The following CACNA2D4 variants were observed in gnomAD, a reference collection of about 807,000 sequenced individuals.
CACNA2D4 encodes calcium voltage-gated channel auxiliary subunit alpha2delta 4, also known as voltage-dependent calcium channel subunit alpha-2/delta-4.
Under a neutral mutation model 163.8 loss-of-function variants are expected in CACNA2D4, and 157 were observed. The observed-to-expected ratio is 0.96, with a 90% confidence interval of 0.84 to 1.09. The LOEUF is 1.09. CACNA2D4 is among the 50% of genes least tolerant of loss of function. The probability of loss-of-function intolerance (pLI) is 0.00; values close to 1 mark genes in which losing one functional copy is unlikely to be tolerated. For missense variants in CACNA2D4, 1,410 were observed against 1,479.9 expected (o/e 0.95, Z 0.78); for synonymous variants, 598 against 586.9 (o/e 1.02, Z -0.27).
At position 1,834,415 on chromosome 12, in the gene CACNA2D4, C is replaced by T. The variant is rs1864761610; in HGVS notation, c.2551+6324G>A. The T allele has an allele frequency of 1.9e-6, 3 of 1,612,880 alleles. No homozygotes were observed. Among genetic ancestry groups the T allele is most frequent in the Non-Finnish European group, 1.7e-6 (2 of 1,180,020 alleles). The stretch of plus-strand genomic sequence containing the variant: ...GGCTGGATATTCCTGGGCCACCCTG[C>T]ACCAAGGCCAGTCCAGAGCCTGCTA... On this transcript the variant is annotated intron_variant, in intron 26 of 37. Coordinates refer to ENST00000382722, the MANE Select transcript of CACNA2D4 (RefSeq NM_172364.5). This position sits in a 1 kb window ranked among gnomAD's most constrained non-coding sequence, Gnocchi z 7.6.
intron 18 of CACNA2D4, among the ~76,000 whole-genome samples, chr12:1,873,688 G>A (rs181381598): frequency 1.2e-3 from 180 of 152,304 alleles, no homozygotes; most frequent in African/African-American, 4.2e-3. Flanking sequence ...AGAAGCCTCT[G>A]TTCTTTTGGA....
intron 6 of CACNA2D4, among the ~76,000 whole-genome samples, chr12:1,906,312 C>G (rs552720762): frequency 2.0e-5 from 3 of 152,128 alleles, no homozygotes; most frequent in Admixed American, 2.0e-4. Context: ...GATAAAATAA[C>G]CAAATTGGAT....
chr12:1,888,331 A>G (rs1866200609), intron 6 of CACNA2D4, among the ~76,000 whole-genome samples: 1 of 152,158 alleles, frequency 6.6e-6, no homozygotes, highest in Non-Finnish European at 1.5e-5. Context: ...ACAGAAGCGA[A>G]TTTTCTTGTG....
Position 1,844,618 on chromosome 12 carries a change from G to T in CACNA2D4, c.2343-89C>A. On this transcript the variant is annotated intron_variant, in intron 24 of 37. Coordinates refer to ENST00000382722, the MANE Select transcript of CACNA2D4 (RefSeq NM_172364.5). The surrounding 1 kb of genome is among the most constrained non-coding windows in gnomAD (Gnocchi z 4.2). ...TTCTCACACAAGGTCAACTTGGCTG[G>T]GCTAAGAGAGTGATTTTAGCCCCTA... The T allele has an allele frequency of 7.1e-7, 1 of 1,411,518 alleles. No homozygotes were observed. Among genetic ancestry groups the T allele is most frequent in the South Asian group, 1.4e-5 (1 of 74,026 alleles). The allele number at this position is 1,411,518 out of a possible 1,614,324, so 87.4% of individuals were successfully genotyped here. A position where few individuals can be genotyped will look rare whatever the true frequency, so the allele number is the denominator to read the frequency against.
Position 1,869,159 on chromosome 12 carries a change from CT to C in CACNA2D4, c.1878+5444del, listed in dbSNP as rs1865717531. Among the ~76,000 whole-genome samples, 1 of 152,204 alleles carries C rather than the reference CT, an allele frequency of 6.6e-6. No individual in the cohort carries two copies. The highest frequency in any genetic ancestry group is 2.1e-4 in the South Asian group (1 of 4,826). ...GTTTGGTTCTTATAATGATTTTGTACTGTGTCAAATTAGCTAAGCTGGAACT... is the reference window on the plus strand; with the variant it reads ...GTTTGGTTCTTATAATGATTTTGTACGTGTCAAATTAGCTAAGCTGGAACT... On this transcript the variant is annotated intron_variant, in intron 18 of 37. Coordinates refer to ENST00000382722, the MANE Select transcript of CACNA2D4 (RefSeq NM_172364.5). The surrounding 1 kb of genome is among the most constrained non-coding windows in gnomAD (Gnocchi z 4.7).
intron 31 of CACNA2D4, 126 bp downstream of exon 31, chr12:1,800,917 G>T: frequency 1.3e-6 from 1 of 799,432 alleles, no homozygotes; most frequent in South Asian, 1.6e-5. Context: ...AGATGGAGAT[G>T]GTCAAGGTAG....
chr12:1,841,118 C>T (rs1311850153), intron 25 of CACNA2D4, among the ~76,000 whole-genome samples: 1 of 152,222 alleles, frequency 6.6e-6, no homozygotes, highest in Non-Finnish European at 1.5e-5. Context: ...GCATTTTGCC[C>T]ACAACACCTG....
At chr12:1,860,999 G>T (rs1865513777) in intron 18 of CACNA2D4, among the ~76,000 whole-genome samples, 1 of 152,198 alleles carries the variant, frequency 6.6e-6, no homozygotes, top group South Asian at 2.1e-4. Context: ...CTTGCACGAG[G>T]CTGCCGTGAG....
Position 1,828,830 on chromosome 12 carries a change from G to A in CACNA2D4, c.2551+11909C>T, listed in dbSNP as rs530123935. ...CCATTTACCAAAAAGGGGAGGAAGC[G>A]TGAATGAAGGCAACACTTGGCAGCT... On this transcript the variant is annotated intron_variant, in intron 26 of 37. Transcript: ENST00000382722. The surrounding 1 kb of genome is among the most constrained non-coding windows in gnomAD (Gnocchi z 4.2). Among the ~76,000 whole-genome samples, 98 of 152,350 alleles carry A rather than the reference G, an allele frequency of 6.4e-4. 1 individual carries two copies. Among genetic ancestry groups the A allele is most frequent in the Middle Eastern group, 3.4e-3 (1 of 294 alleles).
rs534525924 is a variant in CACNA2D4, at chr12:1,826,058, G to C, written c.2552-14335C>G. Among the ~76,000 whole-genome samples, 6 of 152,266 alleles carry C rather than the reference G, an allele frequency of 3.9e-5. No homozygotes were observed. In the East Asian group the frequency reaches 1.2e-3, roughly 29 times the overall value. The stretch of plus-strand genomic sequence containing the variant: ...AATACATAGACTCCACAGGCCCGGG[G>C]TGCTCAGGAATGAGAAACAACCTCA... On this transcript the variant is annotated intron_variant, in intron 26 of 37. Coordinates refer to ENST00000382722, the MANE Select transcript of CACNA2D4 (RefSeq NM_172364.5).
At chr12:1,831,049 C>T (rs541479878) in intron 26 of CACNA2D4, 21 of 1,614,108 alleles carry the variant, frequency 1.3e-5, no homozygotes, top group Admixed American at 8.3e-5. Flanking sequence ...GGCCTCACCA[C>T]GGTGCCCCCA....
intron 23 of CACNA2D4, among the ~76,000 whole-genome samples, chr12:1,848,322 C>T (rs113697724): frequency 4.6e-5 from 7 of 152,274 alleles, no homozygotes; most frequent in East Asian, 1.9e-4. Context: ...GGGGATTCTC[C>T]GGTTCTGGCC....
chr12:1,815,694 T>C (rs1025140226), intron 26 of CACNA2D4, among the ~76,000 whole-genome samples: 1 of 152,170 alleles, frequency 6.6e-6, no homozygotes, highest in Non-Finnish European at 1.5e-5. Context: ...AGCCGAATTC[T>C]ACCAGGTCTC....
At chr12:1,851,651 T>TGTGTGTGTGTG (rs1865281874) in intron 23 of CACNA2D4, among the ~76,000 whole-genome samples, 2 of 118,580 alleles carry the variant, frequency 1.7e-5, no homozygotes, top group Non-Finnish European at 1.6e-5. Flanking sequence ...TGGTGTGTGT[T>TGTGTGTGTGTG]TGTGTGTGTG....
intron 6 of CACNA2D4, among the ~76,000 whole-genome samples, chr12:1,898,353 A>G (rs1445159372): frequency 6.6e-6 from 1 of 151,642 alleles, no homozygotes; most frequent in Admixed American, 6.6e-5. Flanking sequence ...TGTTCAGAAT[A>G]TACAAAGAAC....
At chr12:1,822,513 T>C (rs77548576) in intron 26 of CACNA2D4, among the ~76,000 whole-genome samples, 24,151 of 152,158 alleles carry the variant, frequency 0.16, 2,247 homozygotes, top group East Asian at 0.43. Flanking sequence ...AGTGGACACC[T>C]TAGCCTCCTT....
chr12:1,816,520 C>T (rs996455292), intron 26 of CACNA2D4, among the ~76,000 whole-genome samples: 1 of 152,188 alleles, frequency 6.6e-6, no homozygotes, highest in Non-Finnish European at 1.5e-5. Context: ...TGTCCCTTGC[C>T]TTCCCTCTCT....
intron 26 of CACNA2D4, among the ~76,000 whole-genome samples, chr12:1,832,176 A>C (rs913182916): frequency 3.9e-5 from 6 of 152,136 alleles, no homozygotes; most frequent in Admixed American, 3.3e-4. Flanking sequence ...ATGGGAGAGG[A>C]GGGTGCGCAA....
At chr12:1,890,651 G>A (rs576551300) in intron 6 of CACNA2D4, among the ~76,000 whole-genome samples, 55 of 152,174 alleles carry the variant, frequency 3.6e-4, no homozygotes, top group African/African-American at 1.2e-3. Flanking sequence ...GCCCCAACCC[G>A]AGCATTCCAC....
Sources: allele counts gnomAD v4.1 joint callset (sites outside exome capture counted in the v4.1 genomes callset), GRCh38; gene constraint gnomAD v4.1.1; non-coding constraint Gnocchi (gnomAD v3.1); transcripts MANE v1.5; gene names NCBI Gene and HGNC (gene_info 2026-07-23, HGNC 2026-07-21).